MGAM2: variants seen among roughly 807,000 people sequenced by gnomAD.
The protein encoded by MGAM2 is probable maltase-glucoamylase 2.
MGAM2 carries 98 observed loss-of-function variants against 96.1 expected under a neutral mutation model. That is an observed-to-expected ratio of 1.02 (90% confidence interval 0.87 to 1.21). The LOEUF is 1.21. MGAM2 is among the 50% of genes most tolerant of loss of function. The pLI is 0.00. For missense variants in MGAM2, 2,055 were observed against 1,182.4 expected (o/e 1.74, Z -10.82); for synonymous variants, 749 against 414.8 (o/e 1.81, Z -9.79).
At position 142,199,877 on chromosome 7, in the gene MGAM2, T is replaced by C. The variant is rs1266893413; in HGVS notation, c.5049-3T>C. 1.4e-5 allele frequency: 9 copies of C among 653,540 alleles called. 1 individual carries two copies. Among genetic ancestry groups the C allele is most frequent in the Non-Finnish European group, 2.2e-5 (8 of 365,766 alleles). 40.5% of individuals were successfully genotyped at this position (653,540 alleles called of 1,614,324 possible). On this transcript the variant is annotated splice_polypyrimidine_tract_variant and splice_region_variant and intron_variant, in intron 44 of 47. Transcript: ENST00000477922. ...AAATAACTCTTTTTTTTTTTTTTGG[T>C]AGTCGACAAAATTTTATGGGATTGA...
chr7:142,146,580 G>T (rs1478413644), intron 14 of MGAM2, among the ~76,000 whole-genome samples: 1 of 152,144 alleles, frequency 6.6e-6, no homozygotes, highest in East Asian at 1.9e-4. Context: ...TACGGCCCCA[G>T]TGAAGAGTTC....
intron 9 of MGAM2, 41 bp from the exon 10 acceptor site, chr7:142,138,501 A>C (rs543542528): frequency 1.4e-6 from 1 of 691,120 alleles, no homozygotes; most frequent in South Asian, 1.5e-5. Context: ...AAATGGGGCT[A>C]ATGTTATTCT....
At chr7:142,160,479 G>A (rs1028386368) in intron 21 of MGAM2, among the ~76,000 whole-genome samples, 1 of 152,010 alleles carries the variant, frequency 6.6e-6, no homozygotes, top group Non-Finnish European at 1.5e-5. Flanking sequence ...TTCACTTTGG[G>A]ATTGAATCAG....
rs139951894 is a variant in MGAM2 at position 142,134,058 on chromosome 7, T to C, written c.653T>C (p.Val218Ala). 14 of 761,132 alleles carry C rather than the reference T, an allele frequency of 1.8e-5. No individual in the cohort carries two copies. The East Asian group carries it at 3.2e-4, about 17-fold the overall frequency. 47.1% of individuals were successfully genotyped at this position (761,132 alleles called of 1,614,324 possible). A position where few individuals can be genotyped will look rare whatever the true frequency, so the allele number is the denominator to read the frequency against. ...TCTTTCCGACTGCCCAGTGCCAATG[T>C]GTATGGGCTGGGAGAGCATGTGCAC... The part of the protein sequence containing the change: ...QLSFRLPSAN[V>A]YGLGEHVHQQ... The change falls in exon 7 of 48, where the codon GTG becomes GCG. Residue 218 changes from valine to alanine, a missense_variant. By Grantham distance (64) the Val-to-Ala change is moderately conservative. Coordinates refer to ENST00000477922, the MANE Select transcript of MGAM2 (RefSeq NM_001293626.2).
At chr7:142,154,385 A>G (rs1219760414) in intron 16 of MGAM2, among the ~76,000 whole-genome samples, 196 bp downstream of exon 16, 1 of 152,232 alleles carries the variant, frequency 6.6e-6, no homozygotes, top group African/African-American at 2.4e-5. Context: ...GTTGTCATCC[A>G]TGGAATCTCT....
At position 142,172,560 on chromosome 7, in the gene MGAM2, G is replaced by A. The variant is rs1796228579; in HGVS notation, c.3449-92G>A. On this transcript the variant is annotated intron_variant, in intron 29 of 47. Coordinates refer to ENST00000477922, the MANE Select transcript of MGAM2 (RefSeq NM_001293626.2). ...CTAGAGAAGGCATGTATCAAAGACAGAGTATGAAGAAAGCAAATCTTAGAG... is the reference window on the plus strand; with the variant it reads ...CTAGAGAAGGCATGTATCAAAGACAAAGTATGAAGAAAGCAAATCTTAGAG... 8 of 598,966 alleles carry A rather than the reference G, an allele frequency of 1.3e-5. No homozygotes were observed. In the South Asian group the frequency reaches 1.7e-4, roughly 12 times the overall value. The allele number at this position is 598,966 out of a possible 1,614,324, so 37.1% of individuals were successfully genotyped here. A position where few individuals can be genotyped will look rare whatever the true frequency, so the allele number is the denominator to read the frequency against.
In MGAM2 at chr7:142,177,367, C is replaced by T. The variant is rs985338541; in HGVS notation, c.3816+1587C>T. On this transcript the variant is annotated intron_variant, in intron 32 of 47. Coordinates refer to ENST00000477922, the MANE Select transcript of MGAM2 (RefSeq NM_001293626.2). ...GCCCCCGTGATTCAATTACCTCCTA[C>T]CATGTCCCTCTTACAACACATGAGA... is the stretch of plus-strand genomic sequence containing the variant. Among the ~76,000 whole-genome samples the T allele has an allele frequency of 9.2e-5, 14 of 152,232 alleles. No individual in the cohort carries two copies. In the South Asian group the frequency reaches 2.7e-3, roughly 29 times the overall value.
At chr7:142,123,975 T>TG (rs1382843035) in intron 3 of MGAM2, among the ~76,000 whole-genome samples, 3 of 128,620 alleles carry the variant, frequency 2.3e-5, no homozygotes, top group South Asian at 2.6e-4. Context: ...TTTTTTTTTT[T>TG]TTTTTTTTTT....
chr7:142,144,996 AC>A, intron 14 of MGAM2, 51 bp downstream of exon 14: 1 of 699,000 alleles, frequency 1.4e-6, no homozygotes. Context: ...TGTTTAAAAC[AC>A]CCTCAGTAAT....
At chr7:142,136,081 A>G (rs1026568940) in intron 7 of MGAM2, among the ~76,000 whole-genome samples, 11 of 152,174 alleles carry the variant, frequency 7.2e-5, no homozygotes, top group African/African-American at 2.2e-4. Context: ...AAGCATCGTC[A>G]TAATCCAGTT....
At chr7:142,120,597 T>C (rs1794541284) in intron 3 of MGAM2, among the ~76,000 whole-genome samples, 1 of 152,188 alleles carries the variant, frequency 6.6e-6, no homozygotes, top group Non-Finnish European at 1.5e-5. Flanking sequence ...AGAATGTTAA[T>C]CTGTGGATTA....
chr7:142,213,727 C>T (rs904508206), intron 46 of MGAM2, among the ~76,000 whole-genome samples: 1 of 152,086 alleles, frequency 6.6e-6, no homozygotes, highest in African/African-American at 2.4e-5. Context: ...GATTCACAGC[C>T]GAATTCTACC....
At position 142,206,402 on chromosome 7, in the gene MGAM2, T is replaced by G. The variant is rs114513705; in HGVS notation, c.5138-2171T>G. Among the ~76,000 whole-genome samples the G allele has an allele frequency of 9.4e-3, 1,424 of 152,236 alleles. 17 individuals carry two copies. The highest frequency in any genetic ancestry group is 0.033 in the African/African-American group (1,378 of 41,558). ...ACTTGATGTCAAAAGCAAAGTTATC[T>G]TCAAGATAACTACATGATCTCTAAA... On this transcript the variant is annotated intron_variant, in intron 45 of 47. Transcript: ENST00000477922.
chr7:142,153,427 C>T (rs903002381), intron 15 of MGAM2, among the ~76,000 whole-genome samples: 1 of 152,132 alleles, frequency 6.6e-6, no homozygotes, highest in African/African-American at 2.4e-5. Flanking sequence ...TTGAGACTTA[C>T]TCATTTCAAT....
At chr7:142,209,145 T>TG (rs1193574541) in intron 46 of MGAM2, among the ~76,000 whole-genome samples, 2 of 152,138 alleles carry the variant, frequency 1.3e-5, no homozygotes, top group East Asian at 1.9e-4. Flanking sequence ...TTCACATATC[T>TG]GGGGGGTCAG....
intron 3 of MGAM2, among the ~76,000 whole-genome samples, chr7:142,129,354 T>C (rs1200373547): frequency 1.3e-5 from 2 of 152,138 alleles, no homozygotes; most frequent in African/African-American, 2.4e-5. Flanking sequence ...GGATTAATGC[T>C]GGAATGAGTT....
intron 45 of MGAM2, among the ~76,000 whole-genome samples, chr7:142,204,842 G>A (rs577585770): frequency 3.3e-4 from 50 of 152,008 alleles, no homozygotes; most frequent in Non-Finnish European, 5.0e-4. Context: ...AAGACAATAA[G>A]GCATCCAAAA....
chr7:142,185,988 G>A lies in MGAM2; in HGVS notation c.3988-1G>A, dbSNP rs1299853206. The A allele has an allele frequency of 1.4e-6, 1 of 703,172 alleles. No homozygotes were observed. The highest frequency in any genetic ancestry group is 2.6e-6 in the Non-Finnish European group (1 of 384,982). The allele number at this position is 703,172 out of a possible 1,614,324, so 43.6% of individuals were successfully genotyped here. On this transcript the variant is annotated splice_acceptor_variant, in intron 34 of 47. Transcript: ENST00000477922. LOFTEE classifies it high-confidence loss of function. ...AATGAGAGTGTGTGTTATTCTTACA[G>A]CTTTACAGGGCCTACGTTGCCTTTC... is the stretch of plus-strand genomic sequence containing the variant.
chr7:142,181,755 G>A (rs1796550680), intron 32 of MGAM2, among the ~76,000 whole-genome samples: 1 of 152,152 alleles, frequency 6.6e-6, no homozygotes, highest in African/African-American at 2.4e-5. Context: ...ATCTGTTGAC[G>A]CAGTGGGTCA....
Sources: gnomAD v4.1 joint callset for allele counts (sites outside exome capture counted in the v4.1 genomes callset) on GRCh38, gnomAD v4.1.1 for gene constraint, MANE v1.5 for transcripts, NCBI Gene and HGNC (gene_info 2026-07-23, HGNC 2026-07-21) for gene names.